ZNF254: variants seen among roughly 807,000 people sequenced by gnomAD.
ZNF254 encodes zinc finger protein 254, also known as CTD-2017D11.1.
Under a neutral mutation model 12.4 loss-of-function variants are expected in ZNF254, and 10 were observed. The ratio of observed to expected loss-of-function variants is 0.80; its 90% confidence interval spans 0.50 to 1.36. The LOEUF (loss-of-function observed/expected upper bound fraction) is 1.36. ZNF254 is among the 40% of genes most tolerant of loss of function. ZNF254 has a pLI of 0.00. For synonymous variants in ZNF254, 305 were observed against 253.4 expected, an observed-to-expected ratio of 1.20 and a Z score of -1.93; for missense variants, 996 against 763.9, an observed-to-expected ratio of 1.30 and a Z score of -3.58.
At chr19:24,108,105 C>T (rs886074892) in intron 3 of ZNF254, among the ~76,000 whole-genome samples, 6 of 152,070 alleles carry the variant, frequency 3.9e-5, no homozygotes, top group South Asian at 2.1e-4. Flanking sequence ...GAGGATTTTC[C>T]GAGGTAACTT....
chr19:24,083,895 A>G (rs1014881012), upstream of ZNF254, among the ~76,000 whole-genome samples: 4 of 152,172 alleles, frequency 2.6e-5, no homozygotes, highest in Admixed American at 6.5e-5. Flanking sequence ...GTGGGAATGT[A>G]TACTAGTACA....
intron 3 of ZNF254, among the ~76,000 whole-genome samples, chr19:24,108,431 G>T (rs758598211): frequency 2.0e-5 from 3 of 152,314 alleles, no homozygotes; most frequent in Non-Finnish European, 4.4e-5. Flanking sequence ...TCTGAAAAGG[G>T]TTACCTTCAG....
intron 1 of ZNF254, among the ~76,000 whole-genome samples, chr19:24,044,547 AAT>A (rs1491446291): frequency 0.015 from 2,133 of 140,948 alleles, 15 homozygotes; most frequent in Non-Finnish European, 0.019. Context: ...CAAAAAAAAA[AAT>A]AAATAAATAA....
At chr19:24,090,384 A>T (rs1972301132) in intron 1 of ZNF254, among the ~76,000 whole-genome samples, 1 of 152,168 alleles carries the variant, frequency 6.6e-6, no homozygotes, top group Admixed American at 6.5e-5. Context: ...GACTTGACAC[A>T]TGATTAAGAC....
At chr19:24,087,034 C>T (rs1224467007), upstream of ZNF254, 1 of 416,106 alleles carries the variant, frequency 2.4e-6, no homozygotes, top group Non-Finnish European at 4.5e-6. Context: ...GGCTGTCACT[C>T]TTTCTTCAGC....
At position 24,127,584 on chromosome 19, in the gene ZNF254, C is replaced by T. The variant is rs1292229619; in HGVS notation, c.1584C>T (p.Asn528=). 4 of 1,607,382 alleles carry T rather than the reference C, an allele frequency of 2.5e-6. No homozygotes were observed. The highest frequency in any genetic ancestry group is 3.4e-6 in the Non-Finnish European group (4 of 1,176,608). Residue 528 remains asparagine, a synonymous_variant, in exon 4 of 4, where the codon AAC becomes AAT. Coordinates refer to ENST00000357002, the MANE Select transcript of ZNF254 (RefSeq NM_203282.4). ...YKCEECGKAF[N]WSSTLTKHKI... is the part of the protein sequence containing the mutation. Reference sequence around the variant, plus strand: ...GTGAAGAATGTGGCAAAGCCTTTAACTGGTCCTCAACTCTTACTAAACATA... The same window carrying T: ...GTGAAGAATGTGGCAAAGCCTTTAATTGGTCCTCAACTCTTACTAAACATA...
In ZNF254 at chr19:24,128,948, A is replaced by C. The variant is rs564949664; in HGVS notation, c.*968A>C. ...AATAATGTGTTCAACTCTTAAATTCATGCTGTTTCATCATTGCTGGTGTAT... is the reference window on the plus strand; with the variant it reads ...AATAATGTGTTCAACTCTTAAATTCCTGCTGTTTCATCATTGCTGGTGTAT... On this transcript the variant is annotated 3_prime_UTR_variant, in exon 4 of 4. Coordinates refer to ENST00000357002, the MANE Select transcript of ZNF254 (RefSeq NM_203282.4). 6.6e-6 allele frequency: 1 copy of C among 152,196 alleles called. No homozygotes were observed. The highest frequency in any genetic ancestry group is 1.9e-4 in the East Asian group (1 of 5,186). The allele number at this position is 152,196 out of a possible 1,614,324, so 9.4% of individuals were successfully genotyped here. A position where few individuals can be genotyped will look rare whatever the true frequency, so the allele number is the denominator to read the frequency against.
At chr19:24,091,922 C>A in intron 1 of ZNF254, 1 of 774,600 alleles carries the variant, frequency 1.3e-6, no homozygotes, top group Non-Finnish European at 1.6e-6. Flanking sequence ...CTCTGTTGGC[C>A]AAGCTGGAGT....
At chr19:24,059,378 C>G (rs1970985523) in intron 2 of ZNF254, among the ~76,000 whole-genome samples, 1 of 152,186 alleles carries the variant, frequency 6.6e-6, no homozygotes, top group Non-Finnish European at 1.5e-5. Context: ...ACTCTCCTCT[C>G]ATGACTAGGC....
chr19:24,052,896 G>T (rs1459566563), intron 2 of ZNF254, among the ~76,000 whole-genome samples: 1 of 152,174 alleles, frequency 6.6e-6, no homozygotes, highest in Non-Finnish European at 1.5e-5. Context: ...AGGAAAATGA[G>T]TAATGTCTTG....
chr19:24,111,247 C>G (rs985906312), intron 3 of ZNF254, among the ~76,000 whole-genome samples: 63 of 152,156 alleles, frequency 4.1e-4, no homozygotes, highest in Admixed American at 1.3e-3. Context: ...ATGATGATTT[C>G]CAGTTTCATC....
In ZNF254 at chr19:24,129,616, A is replaced by G. The variant is rs1040633313; in HGVS notation, c.*1636A>G. 6.6e-6 allele frequency: 1 copy of G among 151,980 alleles called. No individual in the cohort carries two copies. The highest frequency in any genetic ancestry group is 1.5e-5 in the Non-Finnish European group (1 of 67,920). 9.4% of individuals were successfully genotyped at this position (151,980 alleles called of 1,614,324 possible). A position where few individuals can be genotyped will look rare whatever the true frequency, so the allele number is the denominator to read the frequency against. ...TGTATATATGTATGCCATATATGGT[A>G]TATTTTGATGCAGGCATACTCTATA... On this transcript the variant is annotated 3_prime_UTR_variant, in exon 4 of 4. Coordinates refer to ENST00000357002, the MANE Select transcript of ZNF254 (RefSeq NM_203282.4).
At chr19:24,084,337 A>G (rs533192270), upstream of ZNF254, among the ~76,000 whole-genome samples, 2 of 152,026 alleles carry the variant, frequency 1.3e-5, no homozygotes, top group South Asian at 4.1e-4. Context: ...TCTCACTTAT[A>G]AGTGGGAACT....
chr19:24,093,279 G>T (rs750923432), intron 1 of ZNF254, among the ~76,000 whole-genome samples: 10 of 152,102 alleles, frequency 6.6e-5, no homozygotes, highest in Non-Finnish European at 1.3e-4. Flanking sequence ...TTGCTGTGAA[G>T]AAGCTCTTTA....
rs570518384 is a variant in ZNF254, at chr19:24,115,182, C to A, written c.253+8539C>A. ...CACCCAACCCATTACTGGGTAGATA[C>A]CCAAAGGACTATAAATCATGCTGCT... is the stretch of plus-strand genomic sequence containing the variant. On this transcript the variant is annotated intron_variant, in intron 3 of 3. Coordinates refer to ENST00000357002, the MANE Select transcript of ZNF254 (RefSeq NM_203282.4). 2.6e-5 allele frequency among the ~76,000 whole-genome samples: 4 copies of A among 152,098 alleles called. No individual in the cohort carries two copies. The South Asian group carries it at 8.3e-4, about 32-fold the overall frequency.
At chr19:24,084,361 G>A (rs551589060), upstream of ZNF254, among the ~76,000 whole-genome samples, 50 of 151,836 alleles carry the variant, frequency 3.3e-4, 3 homozygotes, top group East Asian at 9.5e-3. Context: ...CTATGAGAAT[G>A]CAATGGCATA....
intron 2 of ZNF254, 172 bp downstream of exon 2, chr19:24,106,238 A>G (rs920162292): frequency 3.3e-6 from 3 of 913,532 alleles, no homozygotes; most frequent in African/African-American, 1.7e-5. Context: ...TGAACTTTCC[A>G]CATTCCTGAG....
At chr19:24,106,685 C>A in intron 3 of ZNF254, 42 bp downstream of exon 3, 2 of 1,484,200 alleles carry the variant, frequency 1.3e-6, no homozygotes, top group Non-Finnish European at 1.8e-6. Flanking sequence ...GATGAGAGGT[C>A]CAAAGTCAAG....
At chr19:24,046,265 T>C (rs186710967) in exon 2 of ZNF254, 1 of 151,428 alleles carries the variant, frequency 6.6e-6, no homozygotes, top group Non-Finnish European at 1.5e-5. Context: ...GAGGAGACCA[T>C]AGCTGCACAG....
Sources: gnomAD v4.1 joint callset for allele counts (sites outside exome capture counted in the v4.1 genomes callset) on GRCh38, gnomAD v4.1.1 for gene constraint, MANE v1.5 for transcripts, NCBI Gene and HGNC (gene_info 2026-07-23, HGNC 2026-07-21) for gene names.